The following VAC14 variants were observed in gnomAD, a reference collection of about 807,000 sequenced individuals.
The protein encoded by VAC14 is protein VAC14 homolog.
VAC14 carries 47 observed loss-of-function variants against 85.3 expected under a neutral mutation model. That is an observed-to-expected ratio of 0.55 (90% CI 0.44 to 0.70). The LOEUF is 0.70. VAC14 is among the 30% of genes least tolerant of loss of function. The pLI, the probability that VAC14 is intolerant of heterozygous loss-of-function variation, is 0.00. For synonymous variants in VAC14, 447 were observed against 430.5 expected (o/e 1.04, Z -0.47); for missense variants, 861 against 1,004.3 (o/e 0.86, Z 1.93).
chr16:70,717,485 C>T (rs918160738), intron 14 of VAC14, among the ~76,000 whole-genome samples: 8 of 152,146 alleles, frequency 5.3e-5, no homozygotes, highest in African/African-American at 1.2e-4. Flanking sequence ...GGATATAGAT[C>T]GGCACACTGA....
At chr16:70,778,967 G>A (rs1389820700) in intron 9 of VAC14, 1 of 152,172 alleles carries the variant, frequency 6.6e-6, no homozygotes, top group Non-Finnish European at 1.5e-5. Flanking sequence ...GCCCGCACTA[G>A]CTTATCCCTC....
chr16:70,716,909 C>G (rs2054179077), intron 14 of VAC14: 1 of 152,282 alleles, frequency 6.6e-6, no homozygotes, highest in South Asian at 2.1e-4. Context: ...ACATATACAG[C>G]TTCACCCTCC....
intron 14 of VAC14, among the ~76,000 whole-genome samples, chr16:70,717,839 G>A (rs943099056): frequency 2.6e-5 from 4 of 151,962 alleles, no homozygotes; most frequent in Non-Finnish European, 4.4e-5. Context: ...TTTGTAGGGC[G>A]GCAAGGGTTT....
intron 14 of VAC14, among the ~76,000 whole-genome samples, chr16:70,711,920 G>A (rs1024086571): frequency 2.0e-5 from 3 of 152,150 alleles, no homozygotes; most frequent in African/African-American, 4.8e-5. Context: ...GCCTCACGGC[G>A]GCCTCTGAGA....
intron 12 of VAC14, among the ~76,000 whole-genome samples, chr16:70,754,833 T>A (rs2031698850): frequency 6.6e-6 from 1 of 151,410 alleles, no homozygotes; most frequent in African/African-American, 2.4e-5. Context: ...TTTTGGAGAG[T>A]GGATGGAATG....
At chr16:70,690,284 C>A in intron 18 of VAC14, 1 of 985,468 alleles carries the variant, frequency 1.0e-6, no homozygotes. Context: ...ACTGCCTGGG[C>A]TGCTGAGCAC....
rs963843229 is a variant in VAC14, at chr16:70,762,403, T to C, written c.1371+137A>G. ...AAAAACAGGTGTGAGCCACTGCACC[T>C]GGCCCCAAAGTGAGTATTAAACACA... On this transcript the variant is annotated intron_variant, in intron 12 of 18. Coordinates refer to ENST00000261776, the MANE Select transcript of VAC14 (RefSeq NM_018052.5). The surrounding 1 kb of genome is among the most constrained non-coding windows in gnomAD (Gnocchi z 4.1). The C allele has an allele frequency of 5.5e-6, 5 of 912,780 alleles. No individual in the cohort carries two copies. The highest frequency in any genetic ancestry group is 5.2e-6 in the Non-Finnish European group (3 of 582,380). 56.5% of individuals were successfully genotyped at this position (912,780 alleles called of 1,614,324 possible).
chr16:70,751,850 G>GGGCCCT (rs1429287698), intron 12 of VAC14, among the ~76,000 whole-genome samples: 1 of 152,222 alleles, frequency 6.6e-6, no homozygotes, highest in African/African-American at 2.4e-5. Context: ...GGCAGCAATC[G>GGGCCCT]GGCCCTGGCC....
chr16:70,772,079 C>T (rs1441811623), intron 10 of VAC14, 30 bp downstream of exon 10: 1 of 1,611,510 alleles, frequency 6.2e-7, no homozygotes, highest in Non-Finnish European at 8.5e-7. Flanking sequence ...TCGCTTTCCA[C>T]AAACCTTCTG....
chr16:70,698,585 G>A, intron 15 of VAC14, 52 bp downstream of exon 15: 1 of 1,605,316 alleles, frequency 6.2e-7, no homozygotes, highest in South Asian at 1.1e-5. Context: ...CACAGGGTGT[G>A]CCCCCTGGCA....
intron 14 of VAC14, 145 bp from the exon 15 acceptor site, chr16:70,698,956 T>G: frequency 2.8e-6 from 1 of 362,688 alleles, no homozygotes; most frequent in South Asian, 2.2e-5. Flanking sequence ...CTCTGAGGCC[T>G]GTGGTTGTGG....
At chr16:70,734,072 T>G (rs890565551) in intron 13 of VAC14, among the ~76,000 whole-genome samples, 1 of 152,226 alleles carries the variant, frequency 6.6e-6, no homozygotes, top group Non-Finnish European at 1.5e-5. Context: ...TCTGCCTGCC[T>G]TGGCCTCCCA....
At chr16:70,712,745 C>T (rs2054061970) in intron 14 of VAC14, among the ~76,000 whole-genome samples, 1 of 152,306 alleles carries the variant, frequency 6.6e-6, no homozygotes, top group South Asian at 2.1e-4. Flanking sequence ...GGGGTCTTTC[C>T]CATTTACTGC....
chr16:70,760,913 GCCAAGTCCAC>G (rs2032276102), intron 12 of VAC14, among the ~76,000 whole-genome samples: 1 of 150,588 alleles, frequency 6.6e-6, no homozygotes, highest in Admixed American at 6.6e-5. Flanking sequence ...GCAGAACGGG[GCCAAGTCCAC>G]CTGGGCCTCG....
chr16:70,742,736 G>A (rs1003092121), intron 13 of VAC14, among the ~76,000 whole-genome samples: 12 of 152,214 alleles, frequency 7.9e-5, no homozygotes, highest in East Asian at 7.7e-4. Flanking sequence ...GGGCTGGGGC[G>A]CCTCCCACTG....
At chr16:70,787,491 C>T (rs1281811094) in intron 1 of VAC14, among the ~76,000 whole-genome samples, 2 of 151,980 alleles carry the variant, frequency 1.3e-5, no homozygotes, top group African/African-American at 4.8e-5. Context: ...AAGGCAGGCC[C>T]TGCCCTGAGT....
chr16:70,743,904 C>T (rs969848747), intron 13 of VAC14, among the ~76,000 whole-genome samples: 3 of 152,128 alleles, frequency 2.0e-5, no homozygotes, highest in African/African-American at 4.8e-5. Flanking sequence ...TGGAAGGGAC[C>T]GAGGGGCGAG....
At chr16:70,774,918 T>C (rs1466831179) in intron 9 of VAC14, among the ~76,000 whole-genome samples, 2 of 151,992 alleles carry the variant, frequency 1.3e-5, no homozygotes, top group Non-Finnish European at 2.9e-5. Flanking sequence ...GCTAATTTTT[T>C]TTTTTGTATT....
chr16:70,752,267 T>C (rs986889165), intron 12 of VAC14, among the ~76,000 whole-genome samples: 5 of 152,200 alleles, frequency 3.3e-5, no homozygotes, highest in Non-Finnish European at 7.3e-5. Context: ...ACAGCACCAT[T>C]AGTGCCAGCA....
Sources: allele counts gnomAD v4.1 joint callset (sites outside exome capture counted in the v4.1 genomes callset), GRCh38; gene constraint gnomAD v4.1.1; non-coding constraint Gnocchi (gnomAD v3.1); transcripts MANE v1.5; gene names NCBI Gene and HGNC (gene_info 2026-07-23, HGNC 2026-07-21).